The following DNAH14 variants were observed in gnomAD, a reference collection of about 807,000 sequenced individuals.
DNAH14 encodes the protein axonemal beta dynein heavy chain 14.
A neutral mutation model predicts 520.9 loss-of-function variants in DNAH14; 478 were observed. That is an observed-to-expected ratio of 0.92 (90% CI 0.85 to 0.99). The LOEUF is 0.99. DNAH14 is among the 50% of genes least tolerant of loss of function. The pLI is 0.00. For synonymous variants in DNAH14, 1,581 were observed against 1,757.2 expected, an observed-to-expected ratio of 0.90 and a Z score of 2.51; for missense variants, 4,831 against 5,234.5, an observed-to-expected ratio of 0.92 and a Z score of 2.38.
chr1:225,147,279 A>G, intron 31 of DNAH14, 30 bp downstream of exon 31: 1 of 1,506,990 alleles, frequency 6.6e-7, no homozygotes, highest in Non-Finnish European at 8.9e-7. Context: ...ATACCTTTTG[A>G]ATTGAAATCT....
intron 64 of DNAH14, among the ~76,000 whole-genome samples, chr1:225,328,074 A>T (rs1318942598): frequency 1.5e-5 from 2 of 137,600 alleles, no homozygotes; most frequent in African/African-American, 7.2e-5. Context: ...AAGTCTTGAG[A>T]GAGAGATAGA....
intron 69 of DNAH14, among the ~76,000 whole-genome samples, chr1:225,341,117 A>AT (rs1247317838): frequency 6.6e-6 from 1 of 151,454 alleles, no homozygotes; most frequent in African/African-American, 2.4e-5. Context: ...TTTATTTTTT[A>AT]TTTTTTTTAG....
chr1:225,328,929 A>G (rs1394619241), intron 64 of DNAH14, among the ~76,000 whole-genome samples: 1 of 152,182 alleles, frequency 6.6e-6, no homozygotes, highest in Non-Finnish European at 1.5e-5. Context: ...AAATCATTAA[A>G]CATGCCAAAA....
At chr1:225,048,928 A>G (rs1043871837) in intron 15 of DNAH14, among the ~76,000 whole-genome samples, 1 of 151,754 alleles carries the variant, frequency 6.6e-6, no homozygotes, top group African/African-American at 2.4e-5. Context: ...GTGTGTAGTG[A>G]TATCTTATTG....
chr1:225,078,816 CTCTCTCT>C lies in DNAH14; in HGVS notation c.2425-390_2425-384del, dbSNP rs1256889770. On this transcript the variant is annotated intron_variant, in intron 17 of 85. Coordinates refer to ENST00000682510, the MANE Select transcript of DNAH14 (RefSeq NM_001367479.1). ...TCTCTCTCTCTCTCTCTCTCTCTCT[CTCTCTCT>C]CCCTCTCTCTCTCTCTCTCCCTCTC... 1.9e-4 allele frequency among the ~76,000 whole-genome samples: 13 copies of C among 67,018 alleles called. No individual in the cohort carries two copies. In the East Asian group the frequency reaches 3.3e-3, roughly 17 times the overall value. The allele number at this position is 67,018 out of a possible 152,430, so 44.0% of individuals were successfully genotyped here. A position where few individuals can be genotyped will look rare whatever the true frequency, so the allele number is the denominator to read the frequency against.
intron 60 of DNAH14, 49 bp from the exon 61 acceptor site, chr1:225,318,534 G>A (rs906095762): frequency 1.4e-6 from 2 of 1,450,608 alleles, no homozygotes; most frequent in African/African-American, 2.9e-5. Context: ...TTTTAAATAT[G>A]CAACTATATT....
At position 225,368,046 on chromosome 1, in the gene DNAH14, C is replaced by T; in HGVS notation, c.12318+14C>T. 6.6e-7 allele frequency: 1 copy of T among 1,523,310 alleles called. No homozygotes were observed. Among genetic ancestry groups the T allele is most frequent in the Non-Finnish European group, 8.8e-7 (1 of 1,130,410 alleles). 94.4% of individuals were successfully genotyped at this position (1,523,310 alleles called of 1,614,324 possible). ...TCAGACTTGGGGGTAAGTGTAGTCT[C>T]TTCAAACAAACAACAAATAAGTAAC... On this transcript the variant is annotated intron_variant, in intron 77 of 85. Transcript: ENST00000682510.
At chr1:225,257,766 A>G (rs1442625757) in intron 44 of DNAH14, among the ~76,000 whole-genome samples, 194 bp from the exon 45 acceptor site, 1 of 152,028 alleles carries the variant, frequency 6.6e-6, no homozygotes. Flanking sequence ...CGATCTCCTG[A>G]ACTCCTGATC....
At chr1:225,330,298 G>A (rs542515545) in intron 64 of DNAH14, among the ~76,000 whole-genome samples, 1 of 152,266 alleles carries the variant, frequency 6.6e-6, no homozygotes, top group East Asian at 1.9e-4. Flanking sequence ...CAATTCTACT[G>A]CTGGGTATAT....
Position 225,206,173 on chromosome 1 carries a change from C to A in DNAH14, c.6180C>A (p.Val2060=), listed in dbSNP as rs1473129839. 2.6e-6 allele frequency: 4 copies of A among 1,545,876 alleles called. No homozygotes were observed. Among genetic ancestry groups the A allele is most frequent in the Non-Finnish European group, 3.5e-6 (4 of 1,142,996 alleles). ...SPATVSRCAM[V]YMDPVDLGWE... ...CTACTGTCAGCCGATGTGCCATGGT[C>A]TATATGGTAAGCTTTCAAAAACAAA... Residue 2060 remains valine, a synonymous_variant, in exon 40 of 86, where the codon GTC becomes GTA. Coordinates refer to ENST00000682510, the MANE Select transcript of DNAH14 (RefSeq NM_001367479.1).
At chr1:224,982,403 A>G (rs539269158) in intron 8 of DNAH14, among the ~76,000 whole-genome samples, 47 of 152,308 alleles carry the variant, frequency 3.1e-4, no homozygotes, top group Admixed American at 2.7e-3. Context: ...CACTCTTGTG[A>G]GGAGCAATAC....
intron 27 of DNAH14, among the ~76,000 whole-genome samples, chr1:225,138,345 A>T (rs1384684296): frequency 6.6e-6 from 1 of 152,122 alleles, no homozygotes; most frequent in African/African-American, 2.4e-5. Context: ...TCCCCATTGG[A>T]TCTCAGTCCT....
chr1:225,277,873 A>C (rs1356441189), intron 54 of DNAH14, among the ~76,000 whole-genome samples: 1 of 152,214 alleles, frequency 6.6e-6, no homozygotes, highest in Non-Finnish European at 1.5e-5. Context: ...GGGAGTTAAA[A>C]TCTTGGAAAA....
chr1:225,120,336 T>C (rs555896688), intron 26 of DNAH14, among the ~76,000 whole-genome samples: 30 of 152,314 alleles, frequency 2.0e-4, no homozygotes, highest in Non-Finnish European at 2.5e-4. Context: ...CAGCAAAATA[T>C]CTCAAGCACT....
At chr1:225,175,743 C>G (rs1250088989) in intron 36 of DNAH14, among the ~76,000 whole-genome samples, 1 of 141,302 alleles carries the variant, frequency 7.1e-6, no homozygotes, top group Non-Finnish European at 1.5e-5. Context: ...TCACTCTGTC[C>G]CCCTAACTAG....
intron 73 of DNAH14, among the ~76,000 whole-genome samples, chr1:225,354,770 A>G (rs1367212309): frequency 1.3e-5 from 2 of 152,158 alleles, no homozygotes; most frequent in Admixed American, 6.6e-5. Context: ...TAGTGAAGGG[A>G]AAATCTCTCA....
At chr1:225,117,090 C>G (rs1383177120) in intron 23 of DNAH14, among the ~76,000 whole-genome samples, 2 of 152,004 alleles carry the variant, frequency 1.3e-5, no homozygotes, top group African/African-American at 4.8e-5. Flanking sequence ...ATAAATAAAT[C>G]AAGAGTATCT....
rs2080925945 is a variant in DNAH14 at position 225,155,384 on chromosome 1, A to G, written c.5273+1558A>G. ...AAAAAGGGAGCAAAGGATAGGGGAT[A>G]AAGCTATAATTATTTATTTCTTAAA... On this transcript the variant is annotated intron_variant, in intron 34 of 85. Transcript: ENST00000682510. 3.3e-5 allele frequency among the ~76,000 whole-genome samples: 5 copies of G among 152,218 alleles called. No individual in the cohort carries two copies. The South Asian group carries it at 1.0e-3, about 32-fold the overall frequency.
At chr1:225,286,753 C>T (rs750106824) in intron 54 of DNAH14, among the ~76,000 whole-genome samples, 15 of 152,248 alleles carry the variant, frequency 9.9e-5, no homozygotes, top group African/African-American at 1.4e-4. Context: ...TGAAAACTTA[C>T]GCCCACATAA....
Sources: gnomAD v4.1 joint callset for allele counts (sites outside exome capture counted in the v4.1 genomes callset) on GRCh38, gnomAD v4.1.1 for gene constraint, MANE v1.5 for transcripts, NCBI Gene and HGNC (gene_info 2026-07-23, HGNC 2026-07-21) for gene names.